The following GFRA4 variants were observed in gnomAD, a reference collection of about 807,000 sequenced individuals.
GFRA4 encodes GDNF family receptor alpha 4, also known as GDNF family receptor alpha-4.
A neutral mutation model predicts 28.5 loss-of-function variants in GFRA4; 31 were observed. The observed-to-expected ratio is 1.09, with a 90% confidence interval of 0.82 to 1.47. The LOEUF (loss-of-function observed/expected upper bound fraction) is 1.47, where lower values mean the gene tolerates loss of function less well. Among genes scored for constraint, GFRA4 ranks in the 40% most tolerant of loss-of-function variants. GFRA4 has a pLI of 0.00. For synonymous variants in GFRA4, 188 were observed against 188.0 expected (o/e 1.00, Z 0.00); for missense variants, 389 against 413.2 (o/e 0.94, Z 0.51).
Position 3,661,154 on chromosome 20 carries a change from C to A in GFRA4, c.182G>T (p.Arg61Leu). 1 of 1,347,562 alleles carries A rather than the reference C, an allele frequency of 7.4e-7. No individual in the cohort carries two copies. The highest frequency in any genetic ancestry group is 9.5e-7 in the Non-Finnish European group (1 of 1,056,778). 83.5% of individuals were successfully genotyped at this position (1,347,562 alleles called of 1,614,324 possible). The change falls in exon 2 of 6, where the codon CGC becomes CTC. Residue 61 changes from arginine (R) to leucine (L), a missense_variant. Physicochemically the swap from Arg to Leu is moderately radical, Grantham distance 102. Coordinates refer to ENST00000290417, the MANE Select transcript of GFRA4 (RefSeq NM_022139.4). ...LGRAAQGGCP[R>L]ARCRRALRRF... The stretch of plus-strand genomic sequence containing the variant: ...GCGCAGGGCCCGGCGGCAGCGGGCG[C>A]GGGGACAGCCCCCCTGCGCAGCCCG...
At chr20:3,662,333 C>T (rs898371995) in intron 1 of GFRA4, among the ~76,000 whole-genome samples, 12 of 152,312 alleles carry the variant, frequency 7.9e-5, no homozygotes, top group Admixed American at 7.2e-4. Context: ...CCAGGCTAAT[C>T]GAATCCCCCC....
chr20:3,660,261 G>C lies in GFRA4; in HGVS notation c.638-12C>G. 2 of 1,595,504 alleles carry C rather than the reference G, an allele frequency of 1.3e-6. No individual in the cohort carries two copies. The highest frequency in any genetic ancestry group is 1.1e-5 in the South Asian group (1 of 88,086). ...CTGAATGGCACCATCTATGGAGGGA[G>C]GGGTCCAGGGTGGACTTAGCTGGGA... On this transcript the variant is annotated splice_polypyrimidine_tract_variant and intron_variant, in intron 4 of 5. Transcript: ENST00000290417.
intron 5 of GFRA4, 54 bp downstream of exon 5, chr20:3,660,102 GGT>G: frequency 6.6e-7 from 1 of 1,523,714 alleles, no homozygotes; most frequent in Admixed American, 2.0e-5. Flanking sequence ...GGGACGGAAG[GGT>G]GTGAAGGTGA....
chr20:3,662,893 C>G (rs931102373), intron 1 of GFRA4, among the ~76,000 whole-genome samples: 1 of 152,208 alleles, frequency 6.6e-6, no homozygotes, highest in Non-Finnish European at 1.5e-5. Context: ...CCACCTTAAA[C>G]CTTTACCAGA....
chr20:3,660,488 G>A, intron 4 of GFRA4, 38 bp downstream of exon 4: 1 of 1,519,018 alleles, frequency 6.6e-7, no homozygotes, highest in East Asian at 2.5e-5. Context: ...AGTAAGCGCC[G>A]CCCCCACTCC....
rs1260752506 is a variant in GFRA4 at position 3,660,641 on chromosome 20, G to C, written c.522C>G (p.Asn174Lys). The change falls in exon 4 of 6, where the codon AAC (asparagine) becomes AAG (lysine). Residue 174 changes from asparagine to lysine, a missense_variant. Physicochemically the swap from Asn to Lys is moderately conservative, Grantham distance 94. Coordinates refer to ENST00000290417, the MANE Select transcript of GFRA4 (RefSeq NM_022139.4). ...AGLVGTAVTP[N>K]YVDNVSARVA... ...CGCGCGCGCTCACGTTGTCCACGTA[G>C]TTAGGGGTGACGGCGGTGCCTGCGG... The C allele has an allele frequency of 6.4e-7, 1 of 1,551,286 alleles. No homozygotes were observed. The highest frequency in any genetic ancestry group is 8.7e-7 in the Non-Finnish European group (1 of 1,147,678).
chr20:3,660,929 G>T lies in GFRA4; in HGVS notation c.392+15C>A. 2.2e-6 allele frequency: 3 copies of T among 1,378,464 alleles called. No homozygotes were observed. Among genetic ancestry groups the T allele is most frequent in the Non-Finnish European group, 2.8e-6 (3 of 1,077,484 alleles). 85.4% of individuals were successfully genotyped at this position (1,378,464 alleles called of 1,614,324 possible). A position where few individuals can be genotyped will look rare whatever the true frequency, so the allele number is the denominator to read the frequency against. ...TCCCCACCCTCGCCACGGCCCCGCCGCCGCCCGCGCGCACCTGCAGACCCG... is the reference window on the plus strand; with the variant it reads ...TCCCCACCCTCGCCACGGCCCCGCCTCCGCCCGCGCGCACCTGCAGACCCG... On this transcript the variant is annotated intron_variant, in intron 2 of 5. Transcript: ENST00000290417.
rs1324600598 is a variant in GFRA4, at chr20:3,660,009, T to G, written c.730-20A>C. The G allele has an allele frequency of 1.3e-6, 2 of 1,553,612 alleles. No individual in the cohort carries two copies. Among genetic ancestry groups the G allele is most frequent in the Non-Finnish European group, 1.7e-6 (2 of 1,148,108 alleles). On this transcript the variant is annotated intron_variant, in intron 5 of 5. Transcript: ENST00000290417. ...GGACACCTTGGGGGTGGGAGCCAAGTGCAGACTTGAGGCAAAAGCCTGTCT... is the reference window on the plus strand; with the variant it reads ...GGACACCTTGGGGGTGGGAGCCAAGGGCAGACTTGAGGCAAAAGCCTGTCT...
In GFRA4 at chr20:3,661,258, A is replaced by C. The variant is rs1266614067; in HGVS notation, c.78T>G (p.Cys26Trp). 6.7e-6 allele frequency: 10 copies of C among 1,493,478 alleles called. No homozygotes were observed. The highest frequency in any genetic ancestry group is 8.9e-6 in the Non-Finnish European group (10 of 1,128,664). 92.5% of individuals were successfully genotyped at this position (1,493,478 alleles called of 1,614,324 possible). A position where few individuals can be genotyped will look rare whatever the true frequency, so the allele number is the denominator to read the frequency against. Residue 26 changes from cysteine to tryptophan, a missense_variant, in exon 2 of 6, where the codon TGT (cysteine) becomes TGG (tryptophan). By Grantham distance (215) the Cys-to-Trp change is radical. Coordinates refer to ENST00000290417, the MANE Select transcript of GFRA4 (RefSeq NM_022139.4). ...GSASSVGGNR[C>W]VDAAEACTAD... is the part of the protein sequence containing the mutation. ...CCGTGCAGGCTTCGGCCGCGTCCACACATCGGTTCCCTCCGACCGAGCTCG... is the reference window on the plus strand; with the variant it reads ...CCGTGCAGGCTTCGGCCGCGTCCACCCATCGGTTCCCTCCGACCGAGCTCG...
At chr20:3,660,309 C>A in intron 4 of GFRA4, 60 bp from the exon 5 acceptor site, 1 of 1,395,308 alleles carries the variant, frequency 7.2e-7, no homozygotes, top group Non-Finnish European at 9.8e-7. Context: ...GGGCTCAGCA[C>A]AGGGGACAAA....
At position 3,663,341 on chromosome 20, in the gene GFRA4, G is replaced by A. The variant is rs1171216524; in HGVS notation, c.46+13C>T. ...CCAGGGTTCGGGGTCCAGGGGAAGA[G>A]AGGGGCGCTCACCCAGTAACAGCAG... On this transcript the variant is annotated intron_variant, in intron 1 of 5. Transcript: ENST00000290417. 1.9e-6 allele frequency: 3 copies of A among 1,609,086 alleles called. No homozygotes were observed. In the East Asian group the frequency reaches 6.7e-5, roughly 36 times the overall value.
chr20:3,661,053 C>T lies in GFRA4; in HGVS notation c.283G>A (p.Glu95Lys), dbSNP rs562272020. ...GGCACGAAGGTCTGGCGCCGACGCT[C>T]GGCGCACGCGGGGCCCGCGCACGGG... Reference protein sequence around the residue: ...FCPCAGPACAERRRQTFVPSC... With the variant: ...FCPCAGPACAKRRRQTFVPSC... The change falls in exon 2 of 6, where the codon GAG becomes AAG. Residue 95 changes from glutamate (E) to lysine (K), a missense_variant. Coordinates refer to ENST00000290417, the MANE Select transcript of GFRA4 (RefSeq NM_022139.4). 3.1e-5 allele frequency: 45 copies of T among 1,450,796 alleles called. No homozygotes were observed. The highest frequency in any genetic ancestry group is 3.8e-5 in the Non-Finnish European group (42 of 1,108,948). The allele number at this position is 1,450,796 out of a possible 1,614,324, so 89.9% of individuals were successfully genotyped here. A position where few individuals can be genotyped will look rare whatever the true frequency, so the allele number is the denominator to read the frequency against.
Position 3,660,879 on chromosome 20 carries a change from G to C in GFRA4, c.393-15C>G. Reference sequence around the variant, plus strand: ...GGAGGCGAGGCCTGCGCGGCGGGAGGGCGGTGAGCCGGAGAGAGGCCCCGT... The same window carrying C: ...GGAGGCGAGGCCTGCGCGGCGGGAGCGCGGTGAGCCGGAGAGAGGCCCCGT... On this transcript the variant is annotated splice_polypyrimidine_tract_variant and intron_variant, in intron 2 of 5. Transcript: ENST00000290417. The C allele has an allele frequency of 7.1e-7, 1 of 1,405,500 alleles. No homozygotes were observed. The highest frequency in any genetic ancestry group is 1.6e-5 in the South Asian group (1 of 64,502). The allele number at this position is 1,405,500 out of a possible 1,614,324, so 87.1% of individuals were successfully genotyped here.
In GFRA4 at chr20:3,663,373, C is replaced by T; in HGVS notation, c.27G>A (p.Leu9=). The change falls in exon 1 of 6, where the codon CTG becomes CTA. Residue 9 remains leucine (L), a synonymous_variant. Coordinates refer to ENST00000290417, the MANE Select transcript of GFRA4 (RefSeq NM_022139.4). ...GCTCACCCAGTAACAGCAGCAGCAG[C>T]AGCGCAGGCCCCAGGCAGCGGACCA... MVRCLGPA[L]LLLLLLGSAS... The T allele has an allele frequency of 6.2e-7, 1 of 1,611,262 alleles. No individual in the cohort carries two copies. The highest frequency in any genetic ancestry group is 8.5e-7 in the Non-Finnish European group (1 of 1,179,314).
At position 3,663,395 on chromosome 20, in the gene GFRA4, A is replaced by G; in HGVS notation, c.5T>C (p.Val2Ala). The change falls in exon 1 of 6, where the codon GTC becomes GCC. Residue 2 changes from valine to alanine, a missense_variant. Val to Ala is a moderately conservative substitution (Grantham distance 64). Transcript: ENST00000290417. Reference sequence around the variant, plus strand: ...CAGCAGCGCAGGCCCCAGGCAGCGGACCATGCTGGACCTTCAACAGAGAAG... The same window carrying G: ...CAGCAGCGCAGGCCCCAGGCAGCGGGCCATGCTGGACCTTCAACAGAGAAG... M[V>A]RCLGPALLLL... 6.2e-7 allele frequency: 1 copy of G among 1,609,534 alleles called. No homozygotes were observed. The highest frequency in any genetic ancestry group is 1.1e-5 in the South Asian group (1 of 89,758).
In GFRA4 at chr20:3,660,753, A is replaced by AC; in HGVS notation, c.502+1dup. The AC allele has an allele frequency of 7.0e-7, 1 of 1,428,994 alleles. No individual in the cohort carries two copies. The allele number at this position is 1,428,994 out of a possible 1,614,324, so 88.5% of individuals were successfully genotyped here. A position where few individuals can be genotyped will look rare whatever the true frequency, so the allele number is the denominator to read the frequency against. On this transcript the variant is annotated splice_donor_variant, in intron 3 of 5. Coordinates refer to ENST00000290417, the MANE Select transcript of GFRA4 (RefSeq NM_022139.4). LOFTEE classifies it high-confidence loss of function. ...CCTCGCCCGGATCCCGGCCGCGCGT[A>AC]CCCACGAGGCCCGCGTAGGCGCGCA... is the stretch of plus-strand genomic sequence containing the variant.
Position 3,659,326 on chromosome 20 carries a change from A to T in GFRA4, c.*583T>A, listed in dbSNP as rs45469895. On this transcript the variant is annotated 3_prime_UTR_variant, in exon 6 of 6. Coordinates refer to ENST00000290417, the MANE Select transcript of GFRA4 (RefSeq NM_022139.4). ...AGGAAACCAGGGGGAAGATGGCCAC[A>T]GGGCCAATGCCAGGCAGGGCACAGG... The T allele has an allele frequency of 0.043, 6,783 of 157,076 alleles. 206 individuals carry two copies. Among genetic ancestry groups the T allele is most frequent in the East Asian group, 0.14 (744 of 5,198 alleles). 9.7% of individuals were successfully genotyped at this position (157,076 alleles called of 1,614,324 possible). A position where few individuals can be genotyped will look rare whatever the true frequency, so the allele number is the denominator to read the frequency against.
At chr20:3,662,526 T>C (rs563205317) in intron 1 of GFRA4, among the ~76,000 whole-genome samples, 1 of 152,270 alleles carries the variant, frequency 6.6e-6, no homozygotes, top group South Asian at 2.1e-4. Flanking sequence ...TGGCAATGGC[T>C]GTGTCTTTCA....
chr20:3,660,512 C>T lies in GFRA4; in HGVS notation c.637+14G>A, dbSNP rs369519933. ...CGCCCCCACTCCCCCTCCACTCCCC[C>T]CCGGGCCCCTCACCCAAGCAGCGGT... is the stretch of plus-strand genomic sequence containing the variant. On this transcript the variant is annotated intron_variant, in intron 4 of 5. Coordinates refer to ENST00000290417, the MANE Select transcript of GFRA4 (RefSeq NM_022139.4). 16 of 1,546,802 alleles carry T rather than the reference C, an allele frequency of 1.0e-5. No homozygotes were observed. In the Admixed American group the frequency reaches 1.6e-4, roughly 15 times the overall value.
Sources: gnomAD v4.1 joint callset for allele counts (sites outside exome capture counted in the v4.1 genomes callset) on GRCh38, gnomAD v4.1.1 for gene constraint, MANE v1.5 for transcripts, NCBI Gene and HGNC (gene_info 2026-07-23, HGNC 2026-07-21) for gene names.